The following HHIPL2 variants were observed in gnomAD, a reference collection of about 807,000 sequenced individuals.
HHIPL2 encodes the protein HHIP like 2.
Under a neutral mutation model 61.0 loss-of-function variants are expected in HHIPL2, and 61 were observed. That is an observed-to-expected ratio of 1.00 (90% CI 0.81 to 1.24). The LOEUF is 1.24. HHIPL2 is among the 50% of genes most tolerant of loss of function. The pLI is 0.00. For missense variants in HHIPL2, 885 were observed against 910.2 expected (o/e 0.97, Z 0.36); for synonymous variants, 343 against 357.4 (o/e 0.96, Z 0.45).
chr1:222,547,065 G>A (rs924930284), intron 1 of HHIPL2, among the ~76,000 whole-genome samples: 16 of 152,176 alleles, frequency 1.1e-4, no homozygotes, highest in South Asian at 2.1e-4. Flanking sequence ...GCCTACACCC[G>A]TCTTGTTTTC....
At chr1:222,545,542 G>A (rs192375245) in intron 1 of HHIPL2, among the ~76,000 whole-genome samples, 5 of 152,144 alleles carry the variant, frequency 3.3e-5, no homozygotes, top group East Asian at 1.9e-4. Context: ...GTCCACTCTC[G>A]GAGACTGGGA....
At chr1:222,527,788 G>C (rs940882645) in intron 6 of HHIPL2, among the ~76,000 whole-genome samples, 1 of 152,110 alleles carries the variant, frequency 6.6e-6, no homozygotes, top group African/African-American at 2.4e-5. Context: ...CATGAGCTCC[G>C]ATGGTTTTAT....
chr1:222,547,773 A>G lies in HHIPL2; in HGVS notation c.272T>C (p.Leu91Pro), dbSNP rs1425499276. The change falls in exon 1 of 9, where the codon CTG (leucine) becomes CCG (proline). Residue 91 changes from leucine (L) to proline (P), a missense_variant. Transcript: ENST00000343410. Reference sequence around the variant, plus strand: ...ATCTCCACACAGCTCATGTCTCTTCAGATCAAAATATTCCATGATGTCCCA... The same window carrying G: ...ATCTCCACACAGCTCATGTCTCTTCGGATCAAAATATTCCATGATGTCCCA... ...RYWDIMEYFD[L>P]KRHELCGDYI... 1.9e-6 allele frequency: 3 copies of G among 1,614,102 alleles called. No individual in the cohort carries two copies. Among genetic ancestry groups the G allele is most frequent in the Admixed American group, 1.7e-5 (1 of 60,014 alleles).
chr1:222,526,869 A>G, intron 7 of HHIPL2, 100 bp downstream of exon 7: 1 of 875,236 alleles, frequency 1.1e-6, no homozygotes. Context: ...CATCTAGAAC[A>G]TGAGTTTGCT....
intron 5 of HHIPL2, among the ~76,000 whole-genome samples, chr1:222,532,318 A>G (rs1396849227): frequency 6.6e-6 from 1 of 152,208 alleles, no homozygotes; most frequent in Non-Finnish European, 1.5e-5. Context: ...CATGTTCTAT[A>G]TAAAAGGAGT....
At chr1:222,543,348 G>A (rs1659475550) in intron 2 of HHIPL2, among the ~76,000 whole-genome samples, 189 bp downstream of exon 2, 1 of 152,204 alleles carries the variant, frequency 6.6e-6, no homozygotes, top group African/African-American at 2.4e-5. Flanking sequence ...GTAAGGTGAT[G>A]GCTACATCCC....
chr1:222,544,095 G>A lies in HHIPL2; in HGVS notation c.416C>T (p.Ala139Val), dbSNP rs780487937. 5 of 1,614,080 alleles carry A rather than the reference G, an allele frequency of 3.1e-6. No homozygotes were observed. In the South Asian group the frequency reaches 3.3e-5, roughly 11 times the overall value. ...LPGLCSDYCS[A>V]FHSNCHSAIS... ...GGCTGAGTGACAGTTAGAATGGAAG[G>A]CAGAGCAGTAATCAGAGCAGAGGCC... Residue 139 changes from alanine to valine, a missense_variant, in exon 2 of 9, where the codon GCC (alanine) becomes GTC (valine). Transcript: ENST00000343410.
chr1:222,529,477 T>C (rs957846305), intron 6 of HHIPL2, among the ~76,000 whole-genome samples: 2 of 152,236 alleles, frequency 1.3e-5, no homozygotes, highest in Non-Finnish European at 2.9e-5. Context: ...AAACCATGCC[T>C]ATACTGGACT....
At chr1:222,536,070 T>A (rs761305105) in intron 5 of HHIPL2, among the ~76,000 whole-genome samples, 17 of 151,950 alleles carry the variant, frequency 1.1e-4, no homozygotes, top group Non-Finnish European at 2.2e-4. Context: ...ATCAATAATC[T>A]CAGCTTCCAT....
At chr1:222,538,423 C>G (rs67188853) in intron 5 of HHIPL2, among the ~76,000 whole-genome samples, 61,249 of 147,066 alleles carry the variant, frequency 0.42, 12,624 homozygotes, top group East Asian at 0.56. Flanking sequence ...GAGAGAGAGA[C>G]AGAGAGAGAG....
At chr1:222,539,579 A>C (rs1476211781) in intron 4 of HHIPL2, among the ~76,000 whole-genome samples, 1 of 151,876 alleles carries the variant, frequency 6.6e-6, no homozygotes, top group Non-Finnish European at 1.5e-5. Flanking sequence ...AAAAGAAAAG[A>C]AAGTGTCCTC....
chr1:222,532,754 G>A (rs1008894656), intron 5 of HHIPL2, among the ~76,000 whole-genome samples: 4 of 152,128 alleles, frequency 2.6e-5, no homozygotes, highest in African/African-American at 9.7e-5. Flanking sequence ...AAAATGGGGA[G>A]TGATAACATA....
At position 222,543,730 on chromosome 1, in the gene HHIPL2, T is replaced by G. The variant is rs752847134; in HGVS notation, c.781A>C (p.Ile261Leu). The G allele has an allele frequency of 9.9e-6, 16 of 1,614,010 alleles. No individual in the cohort carries two copies. In the East Asian group the frequency reaches 1.1e-4, roughly 11 times the overall value. The change falls in exon 2 of 9, where the codon ATC becomes CTC. Residue 261 changes from isoleucine to leucine, a missense_variant. Coordinates refer to ENST00000343410, the MANE Select transcript of HHIPL2 (RefSeq NM_024746.4). Reference protein sequence around the residue: ...LEQPFLDLKNIVLTTPWIGDE... With the variant: ...LEQPFLDLKNLVLTTPWIGDE... ...CCGATCCATGGGGTGGTCAACACGA[T>G]GTTCTTGAGGTCCAGGAAGGGTTGC... is the stretch of plus-strand genomic sequence containing the variant.
intron 6 of HHIPL2, among the ~76,000 whole-genome samples, chr1:222,527,501 A>G (rs1035249885): frequency 2.0e-5 from 3 of 150,696 alleles, no homozygotes; most frequent in Admixed American, 6.6e-5. Flanking sequence ...CCTCACTCCC[A>G]TTTTCCTCTT....
At chr1:222,546,379 T>C (rs1659557360) in intron 1 of HHIPL2, among the ~76,000 whole-genome samples, 1 of 152,182 alleles carries the variant, frequency 6.6e-6, no homozygotes, top group Admixed American at 6.5e-5. Flanking sequence ...TCATAACAAC[T>C]GCCTGCAGAA....
chr1:222,523,764 G>A, intron 7 of HHIPL2, 70 bp from the exon 8 acceptor site: 1 of 1,453,966 alleles, frequency 6.9e-7, no homozygotes, highest in Non-Finnish European at 9.7e-7. Context: ...AAGGTTACCA[G>A]AGGGCGTATA....
Position 222,540,260 on chromosome 1 carries a change from G to T in HHIPL2, c.1200C>A (p.Asp400Glu). ...SHGKRYRVPS[D>E]NPFVSEPGAH... ...CCCCTGGCTCAGAAACAAATGGATT[G>T]TCCGAGGGGACTCGGTACCGCTTGC... The change falls in exon 4 of 9, where the codon GAC (aspartate) becomes GAA (glutamate). Residue 400 changes from aspartate (D) to glutamate (E), a missense_variant. Transcript: ENST00000343410. 1.2e-6 allele frequency: 2 copies of T among 1,614,212 alleles called. No homozygotes were observed. The highest frequency in any genetic ancestry group is 1.7e-6 in the Non-Finnish European group (2 of 1,180,032).
At position 222,523,713 on chromosome 1, in the gene HHIPL2, A is replaced by G. The variant is rs1250704652; in HGVS notation, c.1806-19T>C. The G allele has an allele frequency of 6.2e-7, 1 of 1,613,258 alleles. No individual in the cohort carries two copies. The highest frequency in any genetic ancestry group is 8.5e-7 in the Non-Finnish European group (1 of 1,179,208). ...TGCTCGCCTAAAAACACAAACAGAA[A>G]GCATGAGGACGCAAGACTCTGAAGA... On this transcript the variant is annotated intron_variant, in intron 7 of 8. Transcript: ENST00000343410.
chr1:222,547,901 G>A lies in HHIPL2; in HGVS notation c.144C>T (p.Tyr48=), dbSNP rs766123509. ...LLQGHPQCLD[Y]GPPFQPPLHL... ...GCAGAGGGGGCTGGAAAGGGGGCCC[G>A]TAATCCAGGCACTGGGGGTGTCCCT... Residue 48 remains tyrosine (Y), a synonymous_variant, in exon 1 of 9, where the codon TAC becomes TAT. Transcript: ENST00000343410. The A allele has an allele frequency of 3.7e-5, 60 of 1,614,008 alleles. No homozygotes were observed. The Admixed American group carries it at 3.8e-4, about 10-fold the overall frequency.
Sources: gnomAD v4.1 joint callset for allele counts (sites outside exome capture counted in the v4.1 genomes callset) on GRCh38, gnomAD v4.1.1 for gene constraint, MANE v1.5 for transcripts, NCBI Gene and HGNC (gene_info 2026-07-23, HGNC 2026-07-21) for gene names.